KLF8: variants seen among roughly 807,000 people sequenced by gnomAD.
KLF8 encodes the protein KLF transcription factor 8.
Under a neutral mutation model 18.2 loss-of-function variants are expected in KLF8, and 10 were observed. That is an observed-to-expected ratio of 0.55 (90% confidence interval 0.34 to 0.93). The LOEUF (loss-of-function observed/expected upper bound fraction) is 0.93. Ranked by LOEUF, KLF8 falls within the 40% of genes least tolerant of loss-of-function variation. The pLI, the probability that KLF8 is intolerant of heterozygous loss-of-function variation, is 0.02. For synonymous variants in KLF8, 109 were observed against 97.3 expected (o/e 1.12, Z -0.71); for missense variants, 264 against 277.9 (o/e 0.95, Z 0.36).
the KLF8 span, among the ~76,000 whole-genome samples, chrX:56,013,795 G>C: frequency 2.7e-5 from 3 of 111,443 alleles, no homozygotes; most frequent in Non-Finnish European, 5.7e-5. Flanking sequence ...GGCCTCCCCA[G>C]CTATGCTGAA....
chrX:56,227,295 T>C, the KLF8 span, among the ~76,000 whole-genome samples: 1 of 112,001 alleles, frequency 8.9e-6, no homozygotes, highest in Non-Finnish European at 1.9e-5. Flanking sequence ...ATTTATGCAT[T>C]TCCTTAGACA....
chrX:56,013,822 C>A, the KLF8 span, among the ~76,000 whole-genome samples: 2 of 111,458 alleles, frequency 1.8e-5, no homozygotes, highest in Admixed American at 1.9e-4. Flanking sequence ...CAATTCAACC[C>A]TTTTCTTTTA....
the KLF8 span, among the ~76,000 whole-genome samples, chrX:55,940,888 C>T: frequency 7.2e-5 from 8 of 111,335 alleles, no homozygotes; most frequent in East Asian, 1.1e-3. Context: ...TACAAACAAA[C>T]GGAAGAACAT....
the KLF8 span, among the ~76,000 whole-genome samples, chrX:55,945,924 G>T: frequency 1.1e-4 from 12 of 110,815 alleles, no homozygotes; most frequent in Non-Finnish European, 1.7e-4. Flanking sequence ...AATCCAACTT[G>T]CAAGGGATGT....
the KLF8 span, among the ~76,000 whole-genome samples, chrX:56,017,537 G>A: frequency 1.2e-4 from 13 of 112,114 alleles, no homozygotes; most frequent in African/African-American, 4.2e-4. Context: ...TCACTGTAGG[G>A]TATGGAAAAG....
the KLF8 span, among the ~76,000 whole-genome samples, chrX:56,171,813 A>T: frequency 8.0e-5 from 9 of 112,056 alleles, no homozygotes; most frequent in Non-Finnish European, 1.1e-4. Context: ...TGCTATTGTG[A>T]ATAGTGCTGC....
the KLF8 span, among the ~76,000 whole-genome samples, chrX:56,178,741 A>G: frequency 8.9e-6 from 1 of 112,219 alleles, no homozygotes; most frequent in East Asian, 2.8e-4. Flanking sequence ...TAAATAGGGA[A>G]TCCTTTCTCC....
chrX:56,114,499 T>C, the KLF8 span, among the ~76,000 whole-genome samples: 1 of 112,912 alleles, frequency 8.9e-6, no homozygotes, highest in South Asian at 3.6e-4. Context: ...TATGACCTCT[T>C]GCAACTTTGA....
chrX:55,940,008 C>A, the KLF8 span, among the ~76,000 whole-genome samples: 2 of 111,928 alleles, frequency 1.8e-5, no homozygotes, highest in Admixed American at 1.9e-4. Flanking sequence ...AAGAGGGAAT[C>A]CTCCCTAACT....
At chrX:56,253,375 T>A (rs2147615196) in intron 2 of KLF8, among the ~76,000 whole-genome samples, 1 of 112,045 alleles carries the variant, frequency 8.9e-6, no homozygotes, top group East Asian at 2.8e-4. Flanking sequence ...CCATTTTAAT[T>A]TAATTTTTGT....
At chrX:56,272,376 A>G (rs2067069073) in intron 5 of KLF8, among the ~76,000 whole-genome samples, 1 of 110,777 alleles carries the variant, frequency 9.0e-6, no homozygotes. Context: ...TTGCCCAGCT[A>G]ATTTTTCTAT....
the KLF8 span, among the ~76,000 whole-genome samples, chrX:55,967,150 GT>G: frequency 2.7e-5 from 3 of 111,505 alleles, no homozygotes; most frequent in Non-Finnish European, 5.6e-5. Context: ...AAATCTAAAA[GT>G]TATTGGCCTT....
the KLF8 span, among the ~76,000 whole-genome samples, chrX:55,939,889 T>C: frequency 1.8e-5 from 2 of 111,614 alleles, no homozygotes; most frequent in Non-Finnish European, 3.8e-5. Flanking sequence ...AATTAATAGC[T>C]TACCAATCAA....
At chrX:56,078,633 G>GT in the KLF8 span, among the ~76,000 whole-genome samples, 1 of 111,825 alleles carries the variant, frequency 8.9e-6, no homozygotes, top group African/African-American at 3.3e-5. Context: ...CCAGGCTTTG[G>GT]TATCAGGATG....
At chrX:56,243,043 C>A in intron 1 of KLF8, 1 of 512,584 alleles carries the variant, frequency 2.0e-6, no homozygotes, top group East Asian at 3.7e-5. Context: ...GTTGATTTGC[C>A]ACATCAGTAT....
chrX:55,962,068 G>A, the KLF8 span: 1 of 153,592 alleles, frequency 6.5e-6, no homozygotes, highest in African/African-American at 3.1e-5. Flanking sequence ...CCTTCACTGT[G>A]GTTTGCAAAG....
the KLF8 span, among the ~76,000 whole-genome samples, chrX:56,011,985 C>G: frequency 9.0e-6 from 1 of 111,372 alleles, no homozygotes; most frequent in Non-Finnish European, 1.9e-5. Flanking sequence ...AAAAAAATCC[C>G]AGGACCAGAC....
intron 5 of KLF8, among the ~76,000 whole-genome samples, chrX:56,278,658 C>T (rs1349309045): frequency 9.0e-6 from 1 of 111,496 alleles, no homozygotes; most frequent in Admixed American, 9.5e-5. Flanking sequence ...TCTGATCCAG[C>T]TGATATCTTA....
At chrX:56,228,118 GATTTTTATAAACTGGTTT>G (rs2066381191), upstream of KLF8, among the ~76,000 whole-genome samples, 1 of 112,298 alleles carries the variant, frequency 8.9e-6, no homozygotes, top group Non-Finnish European at 1.9e-5. Flanking sequence ...TTTAGTTGCT[GATTTTTATAAACTGGTTT>G]ATTTATACAT....
Sources: allele counts gnomAD v4.1 joint callset (sites outside exome capture counted in the v4.1 genomes callset), GRCh38; gene constraint gnomAD v4.1.1; transcripts MANE v1.5; gene names NCBI Gene and HGNC (gene_info 2026-07-23, HGNC 2026-07-21).